CA10: variants seen among roughly 807,000 people sequenced by gnomAD.
The protein encoded by CA10 is carbonic anhydrase-related protein 10.
A neutral mutation model predicts 44.2 loss-of-function variants in CA10; 14 were observed. That is an observed-to-expected ratio of 0.32 (90% CI 0.21 to 0.50). The LOEUF is 0.50. CA10 is among the 20% of genes least tolerant of loss of function. The pLI, the probability that CA10 is intolerant of heterozygous loss-of-function variation, is 0.99. For missense variants in CA10, 350 were observed against 409.7 expected, an observed-to-expected ratio of 0.85 and a Z score of 1.26; for synonymous variants, 159 against 141.6, an observed-to-expected ratio of 1.12 and a Z score of -0.87.
chr17:52,080,205 C>A (rs533258612), intron 1 of CA10, among the ~76,000 whole-genome samples: 2 of 152,162 alleles, frequency 1.3e-5, no homozygotes, highest in Admixed American at 6.5e-5. Context: ...CTAATCCCAG[C>A]ACTTTGGGAG....
chr17:51,897,047 T>G (rs1326191071), intron 3 of CA10, among the ~76,000 whole-genome samples: 2 of 152,200 alleles, frequency 1.3e-5, no homozygotes, highest in Non-Finnish European at 2.9e-5. Context: ...GATAGTTTCT[T>G]TTGCTGTTTA....
chr17:51,810,661 TA>T (rs777958198), intron 3 of CA10, among the ~76,000 whole-genome samples: 111 of 152,232 alleles, frequency 7.3e-4, no homozygotes, highest in African/African-American at 2.5e-3. Flanking sequence ...GGAGAGTTTG[TA>T]AGTGGAGATA....
Position 52,083,635 on chromosome 17 carries a change from A to G in CA10, c.62-11242T>C, listed in dbSNP as rs143393419. The stretch of plus-strand genomic sequence containing the variant: ...GTCCATGTGTATACATTTATAGCTT[A>G]TAGCTCTCACTTATAAGTATTTGTG... On this transcript the variant is annotated intron_variant, in intron 1 of 8. Coordinates refer to ENST00000451037, the MANE Select transcript of CA10 (RefSeq NM_020178.5). Among the ~76,000 whole-genome samples the G allele has an allele frequency of 3.7e-3, 556 of 152,198 alleles. 6 individuals are homozygous for G. The highest frequency in any genetic ancestry group is 0.029 in the South Asian group (141 of 4,824).
intron 2 of CA10, among the ~76,000 whole-genome samples, chr17:51,953,887 C>T (rs1983573105): frequency 1.3e-5 from 2 of 152,198 alleles, no homozygotes; most frequent in Non-Finnish European, 2.9e-5. Context: ...AATTACAAAA[C>T]TTCAGTGCCA....
At chr17:51,810,154 A>C (rs1273011168) in intron 3 of CA10, among the ~76,000 whole-genome samples, 4 of 152,190 alleles carry the variant, frequency 2.6e-5, no homozygotes, top group Non-Finnish European at 5.9e-5. Flanking sequence ...CAGAATATTG[A>C]TCAACATTGG....
chr17:51,695,172 G>A (rs1244221680), intron 4 of CA10, among the ~76,000 whole-genome samples: 1 of 152,068 alleles, frequency 6.6e-6, no homozygotes, highest in African/African-American at 2.4e-5. Flanking sequence ...TTTTAGAATA[G>A]TTTTTTCTAT....
intron 2 of CA10, among the ~76,000 whole-genome samples, chr17:51,983,420 T>C (rs976030353): frequency 1.3e-5 from 2 of 151,858 alleles, no homozygotes; most frequent in Non-Finnish European, 2.9e-5. Flanking sequence ...ATATCAAAAG[T>C]ACATTGGAAA....
intron 2 of CA10, among the ~76,000 whole-genome samples, chr17:51,978,321 C>T (rs900520955): frequency 6.6e-6 from 1 of 151,316 alleles, no homozygotes; most frequent in African/African-American, 2.4e-5. Flanking sequence ...ATCAATGGAA[C>T]AGAATTAAGA....
At chr17:51,672,090 A>G (rs1242596297) in intron 4 of CA10, among the ~76,000 whole-genome samples, 1 of 152,222 alleles carries the variant, frequency 6.6e-6, no homozygotes, top group Non-Finnish European at 1.5e-5. Context: ...TGTAAGAATT[A>G]CATAAGTTAG....
At chr17:51,741,152 C>T (rs1321014609) in intron 4 of CA10, among the ~76,000 whole-genome samples, 11 of 152,112 alleles carry the variant, frequency 7.2e-5, no homozygotes. Flanking sequence ...CAAGTGTTGG[C>T]AGTGAGATTC....
At chr17:51,887,218 T>C (rs1433389950) in intron 3 of CA10, among the ~76,000 whole-genome samples, 4 of 151,160 alleles carry the variant, frequency 2.6e-5, no homozygotes, top group Non-Finnish European at 5.9e-5. Context: ...AGTCTTTGTA[T>C]AGATTTGTCT....
intron 3 of CA10, among the ~76,000 whole-genome samples, chr17:51,881,582 A>G (rs948538432): frequency 3.9e-5 from 6 of 152,164 alleles, no homozygotes; most frequent in African/African-American, 1.4e-4. Context: ...AATATAAAAA[A>G]GACAGCCTAT....
chr17:51,849,993 C>T (rs566714208), intron 3 of CA10, among the ~76,000 whole-genome samples: 103 of 152,278 alleles, frequency 6.8e-4, no homozygotes, highest in African/African-American at 2.1e-3. Context: ...ACTAGCTTCC[C>T]GAAGACATGC....
At chr17:51,681,483 T>C (rs899938263) in intron 4 of CA10, among the ~76,000 whole-genome samples, 4 of 152,100 alleles carry the variant, frequency 2.6e-5, no homozygotes, top group Non-Finnish European at 5.9e-5. Flanking sequence ...GGCTGGATAG[T>C]TCTTTGTTGT....
chr17:51,857,841 A>T (rs912217909), intron 3 of CA10, among the ~76,000 whole-genome samples: 7 of 151,950 alleles, frequency 4.6e-5, no homozygotes, highest in African/African-American at 1.7e-4. Context: ...TAAAACAACA[A>T]CCTCTCTGGT....
At chr17:51,734,187 G>T (rs1458006167) in intron 4 of CA10, among the ~76,000 whole-genome samples, 1 of 142,568 alleles carries the variant, frequency 7.0e-6, no homozygotes, top group Non-Finnish European at 1.5e-5. Flanking sequence ...TTGGGGGGGG[G>T]GGGTTCCAAT....
intron 6 of CA10, among the ~76,000 whole-genome samples, chr17:51,636,975 T>C (rs1426358349): frequency 6.6e-6 from 1 of 152,180 alleles, no homozygotes; most frequent in Non-Finnish European, 1.5e-5. Flanking sequence ...ATTTCAGTCA[T>C]CTAAAACTGT....
intron 1 of CA10, among the ~76,000 whole-genome samples, chr17:52,081,388 A>G (rs966105176): frequency 1.1e-4 from 17 of 152,234 alleles, no homozygotes; most frequent in African/African-American, 3.6e-4. Context: ...GTGTGATAAT[A>G]GTAGATACAG....
chr17:51,857,709 G>C (rs1445251532), intron 3 of CA10, among the ~76,000 whole-genome samples: 1 of 152,130 alleles, frequency 6.6e-6, no homozygotes, highest in Non-Finnish European at 1.5e-5. Flanking sequence ...TCATAGGAAA[G>C]GGTTGGAAAT....
Sources: allele counts gnomAD v4.1 joint callset (sites outside exome capture counted in the v4.1 genomes callset), GRCh38; gene constraint gnomAD v4.1.1; transcripts MANE v1.5; gene names NCBI Gene and HGNC (gene_info 2026-07-23, HGNC 2026-07-21).